The following PRKN variants were observed in gnomAD, a reference collection of about 807,000 sequenced individuals.
The protein encoded by PRKN is parkin RBR E3 ubiquitin protein ligase.
A neutral mutation model predicts 59.5 loss-of-function variants in PRKN; 56 were observed. That is an observed-to-expected ratio of 0.94 (90% CI 0.76 to 1.18). The LOEUF is 1.18. PRKN is among the 50% of genes most tolerant of loss of function. The pLI, the probability that PRKN is intolerant of heterozygous loss-of-function variation, is 0.00. For missense variants in PRKN, 657 were observed against 596.4 expected (o/e 1.10, Z -1.06); for synonymous variants, 250 against 222.1 (o/e 1.13, Z -1.12).
chr6:161,608,261 C>T lies in PRKN; in HGVS notation c.872-38845G>A, dbSNP rs543474516. Among the ~76,000 whole-genome samples, 34 of 152,086 alleles carry T rather than the reference C, an allele frequency of 2.2e-4. No individual in the cohort carries two copies. In the East Asian group the frequency reaches 2.3e-3, roughly 10 times the overall value. On this transcript the variant is annotated intron_variant, in intron 7 of 11. Transcript: ENST00000366898. ...AGAAAGTTTGGGGCTGAATTAATGA[C>T]GACTTTACCCAAACCCAAGTGAACA...
intron 1 of PRKN, among the ~76,000 whole-genome samples, chr6:162,596,335 G>T (rs973476269): frequency 1.2e-4 from 18 of 152,086 alleles, no homozygotes; most frequent in African/African-American, 4.3e-4. Flanking sequence ...TTAAAGGTAG[G>T]CTGCAAATAC....
chr6:161,469,905 C>T (rs1411264729), intron 9 of PRKN, among the ~76,000 whole-genome samples: 1 of 152,178 alleles, frequency 6.6e-6, no homozygotes, highest in Non-Finnish European at 1.5e-5. Context: ...TGCATTTTCT[C>T]ATAGAAGCTA....
At chr6:162,054,070 T>A in intron 5 of PRKN, 21 bp downstream of exon 5, 1 of 1,472,650 alleles carries the variant, frequency 6.8e-7, no homozygotes, top group Non-Finnish European at 9.5e-7. Flanking sequence ...ATAAGAGGAA[T>A]GAATGTGACC....
At chr6:161,731,960 T>G (rs1562640115) in intron 7 of PRKN, among the ~76,000 whole-genome samples, 1 of 152,180 alleles carries the variant, frequency 6.6e-6, no homozygotes, top group Non-Finnish European at 1.5e-5. Flanking sequence ...TTTTAACTTT[T>G]GTTTTAGATT....
intron 7 of PRKN, among the ~76,000 whole-genome samples, chr6:161,688,861 A>G (rs1417154180): frequency 6.6e-6 from 1 of 152,166 alleles, no homozygotes; most frequent in African/African-American, 2.4e-5. Flanking sequence ...CCAAGGCTCA[A>G]TATTGTCCTT....
intron 4 of PRKN, among the ~76,000 whole-genome samples, chr6:162,137,520 T>C (rs1781600661): frequency 6.6e-6 from 1 of 152,168 alleles, no homozygotes; most frequent in South Asian, 2.1e-4. Flanking sequence ...TCTCAGTCTG[T>C]TTTGTGCTGC....
rs1777742533 is a variant in PRKN at position 162,217,650 on chromosome 6, C to T, written c.413-16398G>A. ...CAAGTGATCTGCCCACCTCGCCCTCCCAAAGTTCTAGGATTACAGGCATGA... is the reference window on the plus strand; with the variant it reads ...CAAGTGATCTGCCCACCTCGCCCTCTCAAAGTTCTAGGATTACAGGCATGA... On this transcript the variant is annotated intron_variant, in intron 3 of 11. Transcript: ENST00000366898. Among the ~76,000 whole-genome samples the T allele has an allele frequency of 2.0e-5, 3 of 152,230 alleles. No homozygotes were observed. The South Asian group carries it at 6.2e-4, about 32-fold the overall frequency.
intron 6 of PRKN, among the ~76,000 whole-genome samples, chr6:161,934,758 G>T (rs9355376): frequency 2.0e-5 from 3 of 151,904 alleles, no homozygotes; most frequent in Non-Finnish European, 4.4e-5. Context: ...ACTTATTCAC[G>T]ATCCTGTATT....
At chr6:161,439,835 A>G (rs747664828) in intron 9 of PRKN, among the ~76,000 whole-genome samples, 7 of 152,172 alleles carry the variant, frequency 4.6e-5, no homozygotes, top group Admixed American at 2.0e-4. Context: ...TATGCAAGCA[A>G]TCTCGTGGGG....
Position 161,520,690 on chromosome 6 carries a change from A to G in PRKN, c.1083+28164T>C, listed in dbSNP as rs181228335. On this transcript the variant is annotated intron_variant, in intron 9 of 11. Transcript: ENST00000366898. Reference sequence around the variant, plus strand: ...TTATTTAATTGGTGACTTGAATAACATATTTGAAAGTAGGCTCATGAATCT... The same window carrying G: ...TTATTTAATTGGTGACTTGAATAACGTATTTGAAAGTAGGCTCATGAATCT... Among the ~76,000 whole-genome samples, 124 of 152,348 alleles carry G rather than the reference A, an allele frequency of 8.1e-4. 1 individual carries two copies. Among genetic ancestry groups the G allele is most frequent in the African/African-American group, 2.9e-3 (120 of 41,590 alleles).
intron 1 of PRKN, among the ~76,000 whole-genome samples, chr6:162,639,841 C>T (rs1042187722): frequency 6.6e-6 from 1 of 152,124 alleles, no homozygotes; most frequent in Non-Finnish European, 1.5e-5. Flanking sequence ...AACACACAGG[C>T]CTCGAGTTTG....
At chr6:161,822,906 T>C (rs1006935085) in intron 6 of PRKN, among the ~76,000 whole-genome samples, 1 of 152,180 alleles carries the variant, frequency 6.6e-6, no homozygotes, top group East Asian at 1.9e-4. Flanking sequence ...TGTTTACTTA[T>C]ATCCTTGCCA....
intron 1 of PRKN, among the ~76,000 whole-genome samples, chr6:162,589,379 C>T (rs1781207360): frequency 6.6e-6 from 1 of 152,062 alleles, no homozygotes; most frequent in African/African-American, 2.4e-5. Context: ...TAGCTCCTAC[C>T]ATCCATAAAC....
chr6:161,520,809 A>C (rs540255106), intron 9 of PRKN, among the ~76,000 whole-genome samples: 1 of 152,234 alleles, frequency 6.6e-6, no homozygotes, highest in Admixed American at 6.5e-5. Context: ...TGTTCTTCCA[A>C]ATCAAAATGT....
chr6:161,606,201 C>G (rs191641884), intron 7 of PRKN, among the ~76,000 whole-genome samples: 27 of 152,288 alleles, frequency 1.8e-4, no homozygotes, highest in South Asian at 1.0e-3. Flanking sequence ...GAAGAACAGG[C>G]TGATATTGGA....
At chr6:161,670,962 T>C (rs1399254613) in intron 7 of PRKN, among the ~76,000 whole-genome samples, 1 of 152,160 alleles carries the variant, frequency 6.6e-6, no homozygotes, top group Non-Finnish European at 1.5e-5. Flanking sequence ...GGATTAGCAC[T>C]TCAACATTAT....
intron 7 of PRKN, among the ~76,000 whole-genome samples, chr6:161,703,505 A>G (rs1001434197): frequency 1.5e-4 from 23 of 152,192 alleles, no homozygotes; most frequent in African/African-American, 5.3e-4. Context: ...GCAGAGCACT[A>G]AAGACTCCAA....
intron 3 of PRKN, among the ~76,000 whole-genome samples, chr6:162,249,160 G>A (rs1779324771): frequency 6.6e-6 from 1 of 152,096 alleles, no homozygotes; most frequent in African/African-American, 2.4e-5. Flanking sequence ...TTACAGGCGT[G>A]AGCCACCAGC....
intron 9 of PRKN, among the ~76,000 whole-genome samples, chr6:161,510,414 G>C (rs548694042): frequency 1.9e-4 from 28 of 150,844 alleles, no homozygotes; most frequent in Non-Finnish European, 3.8e-4. Flanking sequence ...CGCCAGTGAG[G>C]CATCGTGAAG....
Sources: allele counts gnomAD v4.1 joint callset (sites outside exome capture counted in the v4.1 genomes callset), GRCh38; gene constraint gnomAD v4.1.1; transcripts MANE v1.5; gene names NCBI Gene and HGNC (gene_info 2026-07-23, HGNC 2026-07-21).